CENPW: variants seen among roughly 807,000 people sequenced by gnomAD.
CENPW encodes cancer-up-regulated gene 2 protein.
Under a neutral mutation model 11.1 loss-of-function variants are expected in CENPW, and 3 were observed. That is an observed-to-expected ratio of 0.27 (90% confidence interval 0.12 to 0.70). The LOEUF is 0.70. Ranked by LOEUF, CENPW falls within the 30% of genes least tolerant of loss-of-function variation. The probability of loss-of-function intolerance (pLI) is 0.77; values close to 1 mark genes in which losing one functional copy is unlikely to be tolerated. For synonymous variants in CENPW, 38 were observed against 42.0 expected (o/e 0.91, Z 0.37); for missense variants, 100 against 105.6 (o/e 0.95, Z 0.23).
At chr6:126,443,647 C>G in the CENPW span, among the ~76,000 whole-genome samples, 3 of 151,168 alleles carry the variant, frequency 2.0e-5, no homozygotes, top group South Asian at 2.1e-4. Flanking sequence ...TTCTTTCTCC[C>G]TGCACTTCTT....
the CENPW span, among the ~76,000 whole-genome samples, chr6:126,398,494 G>A: frequency 6.6e-6 from 1 of 152,180 alleles, no homozygotes; most frequent in African/African-American, 2.4e-5. Flanking sequence ...AGATGGCATA[G>A]TATTTGCATG....
the CENPW span, among the ~76,000 whole-genome samples, chr6:126,385,333 A>G: frequency 2.0e-5 from 3 of 152,180 alleles, no homozygotes; most frequent in Non-Finnish European, 4.4e-5. Flanking sequence ...GCTATTCACA[A>G]TAGCAAAGAC....
At chr6:126,415,020 C>A in the CENPW span, among the ~76,000 whole-genome samples, 7 of 152,088 alleles carry the variant, frequency 4.6e-5, no homozygotes, top group East Asian at 1.4e-3. Flanking sequence ...TGGATATATA[C>A]AACCTAACAA....
At chr6:126,479,843 G>T in the CENPW span, among the ~76,000 whole-genome samples, 1 of 151,590 alleles carries the variant, frequency 6.6e-6, no homozygotes, top group Non-Finnish European at 1.5e-5. Flanking sequence ...ATTTTAAGAG[G>T]TATCTTGCAG....
At chr6:126,345,953 C>T (rs539757807) in intron 1 of CENPW, among the ~76,000 whole-genome samples, 2 of 152,226 alleles carry the variant, frequency 1.3e-5, no homozygotes, top group Non-Finnish European at 2.9e-5. Flanking sequence ...TGTAATGATG[C>T]TTTACAAAAT....
downstream of CENPW, among the ~76,000 whole-genome samples, chr6:126,352,903 T>C (rs1780508044): frequency 6.6e-6 from 1 of 152,128 alleles, no homozygotes; most frequent in African/African-American, 2.4e-5. Context: ...TTTATTACTC[T>C]AGTTATACAT....
the CENPW span, among the ~76,000 whole-genome samples, chr6:126,408,302 T>G: frequency 9.8e-5 from 15 of 152,308 alleles, no homozygotes; most frequent in Admixed American, 8.5e-4. Context: ...TTCACATGGC[T>G]GGGGAGGTCT....
the CENPW span, among the ~76,000 whole-genome samples, chr6:126,374,602 C>A: frequency 6.6e-6 from 1 of 152,098 alleles, no homozygotes; most frequent in Non-Finnish European, 1.5e-5. Flanking sequence ...TGAGGTGAGA[C>A]CTGACAGCTC....
At chr6:126,362,044 G>T in the CENPW span, among the ~76,000 whole-genome samples, 3 of 152,192 alleles carry the variant, frequency 2.0e-5, no homozygotes, top group Non-Finnish European at 4.4e-5. Flanking sequence ...CCTGGAGGCT[G>T]CTCTGTGCAC....
At chr6:126,394,841 A>G in the CENPW span, among the ~76,000 whole-genome samples, 3 of 150,956 alleles carry the variant, frequency 2.0e-5, no homozygotes, top group Non-Finnish European at 4.4e-5. Flanking sequence ...CTATACTAAA[A>G]GTTTTTTTTT....
the CENPW span, among the ~76,000 whole-genome samples, chr6:126,469,432 T>C: frequency 2.0e-5 from 3 of 152,344 alleles, no homozygotes; most frequent in East Asian, 3.9e-4. Context: ...ACCTCTTGTT[T>C]ATAAATTATC....
the CENPW span, among the ~76,000 whole-genome samples, chr6:126,414,635 A>C: frequency 1.3e-5 from 2 of 152,118 alleles, no homozygotes; most frequent in African/African-American, 4.8e-5. Flanking sequence ...AGCAGTAATA[A>C]GTTGAAGTTT....
At chr6:126,387,040 TAG>T in the CENPW span, among the ~76,000 whole-genome samples, 6 of 151,920 alleles carry the variant, frequency 3.9e-5, no homozygotes, top group Admixed American at 1.3e-4. Flanking sequence ...GAAACTAAGT[TAG>T]AGAGTTAACT....
the CENPW span, among the ~76,000 whole-genome samples, chr6:126,405,385 C>T: frequency 1.3e-5 from 2 of 152,028 alleles, no homozygotes; most frequent in Non-Finnish European, 2.9e-5. Flanking sequence ...CATGCCAGTA[C>T]CTTGCTGTTT....
chr6:126,388,838 GCTTCTTGAGGGTAGAACA>G, the CENPW span, among the ~76,000 whole-genome samples: 1 of 151,898 alleles, frequency 6.6e-6, no homozygotes, highest in South Asian at 2.1e-4. Flanking sequence ...TAGATTTTAA[GCTTCTTGAGGGTAGAACA>G]CTTCTTGTTT....
the CENPW span, among the ~76,000 whole-genome samples, chr6:126,433,081 G>A: frequency 2.6e-5 from 4 of 152,120 alleles, no homozygotes; most frequent in Admixed American, 1.3e-4. Flanking sequence ...TGATTTGAGA[G>A]TTATCTCTGT....
the CENPW span, among the ~76,000 whole-genome samples, chr6:126,406,950 T>A: frequency 1.3e-5 from 2 of 152,132 alleles, no homozygotes; most frequent in Non-Finnish European, 2.9e-5. Flanking sequence ...TATTTTAAGT[T>A]CCAGGGTACA....
chr6:126,351,216 A>G (rs796541496), downstream of CENPW, among the ~76,000 whole-genome samples: 4 of 151,582 alleles, frequency 2.6e-5, no homozygotes, highest in African/African-American at 9.7e-5. Context: ...CAGTAGAAGT[A>G]GGTGATATTA....
chr6:126,395,423 G>T, the CENPW span, among the ~76,000 whole-genome samples: 1 of 152,002 alleles, frequency 6.6e-6, no homozygotes, highest in East Asian at 1.9e-4. Context: ...TTATCTCATA[G>T]AACTCAGAAT....
Sources: gnomAD v4.1 joint callset for allele counts (sites outside exome capture counted in the v4.1 genomes callset) on GRCh38, gnomAD v4.1.1 for gene constraint, MANE v1.5 for transcripts, NCBI Gene and HGNC (gene_info 2026-07-23, HGNC 2026-07-21) for gene names.